ZNF701: variants seen among roughly 807,000 people sequenced by gnomAD.
The protein encoded by ZNF701 is zinc finger protein 701.
In ZNF701, 6 loss-of-function variants were observed where a neutral mutation model predicts 7.1. That is an observed-to-expected ratio of 0.84 (90% CI 0.46 to 1.66). The LOEUF (loss-of-function observed/expected upper bound fraction) is 1.66, where lower values mean the gene tolerates loss of function less well. ZNF701 is among the 40% of genes most tolerant of loss of function. The probability of loss-of-function intolerance (pLI) is 0.01; values close to 1 mark genes in which losing one functional copy is unlikely to be tolerated. For missense variants in ZNF701, 541 were observed against 559.2 expected, an observed-to-expected ratio of 0.97 and a Z score of 0.33; for synonymous variants, 166 against 188.2, an observed-to-expected ratio of 0.88 and a Z score of 0.97.
the ZNF701 span, chr19:52,595,680 T>G: frequency 7.3e-7 from 1 of 1,370,184 alleles, no homozygotes; most frequent in Non-Finnish European, 1.0e-6. Flanking sequence ...GGAGAAGTGA[T>G]TCACACAGGG....
rs1418267250 is a variant in ZNF701, at chr19:52,587,026, A to G, written c.*3569A>G. On this transcript the variant is annotated 3_prime_UTR_variant, in exon 4 of 4. Coordinates refer to ENST00000391785, the MANE Select transcript of ZNF701 (RefSeq NM_018260.3). ...ACATCAAACAGGCATCTCCACCTTC[A>G]TGTGTCTATAAGTGACTTCCTAAAC... 1.3e-5 allele frequency: 2 copies of G among 152,048 alleles called. No homozygotes were observed. Among genetic ancestry groups the G allele is most frequent in the East Asian group, 1.9e-4 (1 of 5,166 alleles). The allele number at this position is 152,048 out of a possible 1,614,324, so 9.4% of individuals were successfully genotyped here.
chr19:52,572,315 A>G (rs561242417), intron 1 of ZNF701: 5 of 1,203,598 alleles, frequency 4.2e-6, no homozygotes, highest in East Asian at 5.7e-5. Flanking sequence ...TCGGCCTCCC[A>G]AAGTGCTGGG....
rs2059993463 is a variant in ZNF701 at position 52,583,998 on chromosome 19, CTT to C, written c.*544_*545del. ...GGCAAGGTCTTCAGTCAAGCTTCAT[CTT>C]TTGCAAAACGGGAGAATTCATACAG... On this transcript the variant is annotated 3_prime_UTR_variant, in exon 4 of 4. Coordinates refer to ENST00000391785, the MANE Select transcript of ZNF701 (RefSeq NM_018260.3). 3 of 433,612 alleles carry C rather than the reference CTT, an allele frequency of 6.9e-6. No individual in the cohort carries two copies. Among genetic ancestry groups the C allele is most frequent in the South Asian group, 5.2e-5 (3 of 57,762 alleles). The allele number at this position is 433,612 out of a possible 1,614,324, so 26.9% of individuals were successfully genotyped here.
intron 3 of ZNF701, among the ~76,000 whole-genome samples, chr19:52,577,315 G>C (rs954128860): frequency 2.6e-5 from 4 of 152,066 alleles, no homozygotes; most frequent in African/African-American, 9.7e-5. Context: ...GGCCAGCCTG[G>C]TCTCAAACTC....
intron 3 of ZNF701, 29 bp downstream of exon 3, chr19:52,576,050 G>C (rs757035310): frequency 6.3e-6 from 10 of 1,598,074 alleles, no homozygotes; most frequent in Non-Finnish European, 8.5e-6. Flanking sequence ...CAGAAGTGGG[G>C]ATGTGCCCTT....
At chr19:52,573,526 C>T (rs1041928773) in intron 1 of ZNF701, among the ~76,000 whole-genome samples, 11 of 152,216 alleles carry the variant, frequency 7.2e-5, no homozygotes, top group South Asian at 4.2e-4. Context: ...CATGAACCAC[C>T]GCACCCAGCC....
intron 1 of ZNF701, among the ~76,000 whole-genome samples, chr19:52,571,853 C>T (rs958630424): frequency 3.2e-4 from 48 of 151,698 alleles, no homozygotes; most frequent in African/African-American, 9.7e-4. Flanking sequence ...GACGGAGTTT[C>T]GCTCTTGTTG....
rs1445650035 is a variant in ZNF701, at chr19:52,585,819, G to A, written c.*2362G>A. On this transcript the variant is annotated 3_prime_UTR_variant, in exon 4 of 4. Coordinates refer to ENST00000391785, the MANE Select transcript of ZNF701 (RefSeq NM_018260.3). ...AGATGGGTGCCCTATGCAGATGAAG[G>A]GGTGGCCGGTGCTTGGCCTTGGCCA... 1 of 152,262 alleles carries A rather than the reference G, an allele frequency of 6.6e-6. No individual in the cohort carries two copies. The highest frequency in any genetic ancestry group is 2.4e-5 in the African/African-American group (1 of 41,472). The allele number at this position is 152,262 out of a possible 1,614,324, so 9.4% of individuals were successfully genotyped here.
chr19:52,596,114 TTCC>T, the ZNF701 span: 1 of 957,638 alleles, frequency 1.0e-6, no homozygotes, highest in Non-Finnish European at 1.6e-6. Flanking sequence ...GGAAAAACCT[TTCC>T]AATGTAATGA....
rs1208599137 is a variant in ZNF701, at chr19:52,585,708, G to A, written c.*2251G>A. On this transcript the variant is annotated 3_prime_UTR_variant, in exon 4 of 4. Transcript: ENST00000391785. Reference sequence around the variant, plus strand: ...TTTTTGGAGGTTATTTTTTTTTGAGGTCCCTATGGGCTACCCCTTATCTGG... The same window carrying A: ...TTTTTGGAGGTTATTTTTTTTTGAGATCCCTATGGGCTACCCCTTATCTGG... The A allele has an allele frequency of 1.3e-5, 2 of 151,978 alleles. No homozygotes were observed. The highest frequency in any genetic ancestry group is 1.3e-4 in the Admixed American group (2 of 15,282). The allele number at this position is 151,978 out of a possible 1,614,324, so 9.4% of individuals were successfully genotyped here.
chr19:52,596,772 A>G, the ZNF701 span: 7 of 530,280 alleles, frequency 1.3e-5, no homozygotes, highest in African/African-American at 7.7e-5. Context: ...CATACTGGAA[A>G]GAAACCTTAC....
chr19:52,583,508 CA>C lies in ZNF701; in HGVS notation c.*52del. 24 of 1,606,534 alleles carry C rather than the reference CA, an allele frequency of 1.5e-5. No individual in the cohort carries two copies. Among genetic ancestry groups the C allele is most frequent in the Non-Finnish European group, 2.0e-5 (23 of 1,174,968 alleles). ...GCAACAGTCAAACCTTGCATGTCAT[CA>C]TAGACTTTATACTGGAGAGAAACCT... On this transcript the variant is annotated 3_prime_UTR_variant, in exon 4 of 4. Transcript: ENST00000391785.
chr19:52,589,281 T>A (rs1016639004), downstream of ZNF701, among the ~76,000 whole-genome samples: 2 of 152,222 alleles, frequency 1.3e-5, no homozygotes, highest in African/African-American at 4.8e-5. Context: ...TTATATTTTC[T>A]ATTCCTTGAG....
At chr19:52,595,932 T>G in the ZNF701 span, 1 of 1,612,500 alleles carries the variant, frequency 6.2e-7, no homozygotes, top group African/African-American at 1.3e-5. Flanking sequence ...GAACTCCACA[T>G]GTTTCAGACC....
chr19:52,572,993 C>T, intron 1 of ZNF701: 1 of 276,832 alleles, frequency 3.6e-6, no homozygotes, highest in Non-Finnish European at 7.1e-6. Flanking sequence ...CCACCCCCAA[C>T]TGAATTTCCC....
chr19:52,571,730 T>C (rs1227164847), intron 1 of ZNF701, among the ~76,000 whole-genome samples: 1 of 151,922 alleles, frequency 6.6e-6, no homozygotes, highest in Non-Finnish European at 1.5e-5. Flanking sequence ...TCCCTGCTTT[T>C]TGTTTGTTTG....
chr19:52,593,693 C>T, the ZNF701 span, among the ~76,000 whole-genome samples: 2 of 109,788 alleles, frequency 1.8e-5, no homozygotes, highest in Non-Finnish European at 3.9e-5. Context: ...GGGTGGCTGC[C>T]AGGCAGAGGG....
At chr19:52,597,184 A>G in the ZNF701 span, 1 of 581,834 alleles carries the variant, frequency 1.7e-6, no homozygotes, top group Non-Finnish European at 3.3e-6. Context: ...AAATATCATG[A>G]CTGTGGCAAG....
downstream of ZNF701, among the ~76,000 whole-genome samples, chr19:52,589,461 G>A (rs2060027984): frequency 1.4e-5 from 2 of 145,518 alleles, no homozygotes; most frequent in South Asian, 4.3e-4. Context: ...AAACAGAAAC[G>A]TTCTTTCACA....
Sources: gnomAD v4.1 joint callset for allele counts (sites outside exome capture counted in the v4.1 genomes callset) on GRCh38, gnomAD v4.1.1 for gene constraint, MANE v1.5 for transcripts, NCBI Gene and HGNC (gene_info 2026-07-23, HGNC 2026-07-21) for gene names.